Variants in METTL14 observed in about 807,000 individuals in gnomAD.
The protein encoded by METTL14 is N(6)-adenosine-methyltransferase non-catalytic subunit METTL14.
A neutral mutation model predicts 62.4 loss-of-function variants in METTL14; 32 were observed. The ratio of observed to expected loss-of-function variants is 0.51; its 90% CI spans 0.39 to 0.69. The LOEUF is 0.69. METTL14 is among the 30% of genes least tolerant of loss of function. METTL14 has a pLI of 0.00. For synonymous variants in METTL14, 150 were observed against 180.0 expected (o/e 0.83, Z 1.34); for missense variants, 340 against 551.9 (o/e 0.62, Z 3.85).
chr4:118,706,082 G>A (rs961572331), intron 10 of METTL14, among the ~76,000 whole-genome samples: 1 of 152,136 alleles, frequency 6.6e-6, no homozygotes, highest in African/African-American at 2.4e-5. Flanking sequence ...TACAAATGAT[G>A]AACCTACATT....
At chr4:118,706,896 T>C (rs1051310088) in intron 10 of METTL14, among the ~76,000 whole-genome samples, 1 of 152,248 alleles carries the variant, frequency 6.6e-6, no homozygotes. Context: ...AGATGTCTTT[T>C]AAGGTCTTTG....
intron 6 of METTL14, 112 bp downstream of exon 6, chr4:118,694,638 C>A: frequency 1.3e-6 from 1 of 751,044 alleles, no homozygotes; most frequent in Admixed American, 2.7e-5. Context: ...TGTTAACATG[C>A]TTTATTACTC....
rs1337315312 is a variant in METTL14 at position 118,697,209 on chromosome 4, T to A, written c.531T>A (p.Phe177Leu). 2 of 1,610,730 alleles carry A rather than the reference T, an allele frequency of 1.2e-6. No homozygotes were observed. Among genetic ancestry groups the A allele is most frequent in the Admixed American group, 1.7e-5 (1 of 59,398 alleles). Reference protein sequence around the residue: ...PMYLQADIEAFDIRELTPKFD... With the variant: ...PMYLQADIEALDIRELTPKFD... ...ACTTACAAGCCGATATAGAAGCCTT[T>A]GACATCAGAGAACTAACACCCAAAT... is the stretch of plus-strand genomic sequence containing the variant. Residue 177 changes from phenylalanine to leucine, a missense_variant, in exon 7 of 11, where the codon TTT (phenylalanine) becomes TTA (leucine). Around this residue, in one of 7 missense-constraint regions of METTL14, gnomAD observed 41 missense variants for 44.0 expected, o/e 0.93. Transcript: ENST00000388822.
At chr4:118,695,640 A>G (rs1724386057) in intron 6 of METTL14, among the ~76,000 whole-genome samples, 2 of 152,208 alleles carry the variant, frequency 1.3e-5, no homozygotes, top group South Asian at 4.1e-4. Context: ...TCAGGAAAGG[A>G]AGAAAACAAA....
At chr4:118,702,816 T>G (rs563908984) in intron 8 of METTL14, among the ~76,000 whole-genome samples, 57 of 150,950 alleles carry the variant, frequency 3.8e-4, no homozygotes, top group African/African-American at 1.2e-3. Flanking sequence ...AGGTGTTATC[T>G]TACATTACCC....
In METTL14 at chr4:118,691,510, ACTTAAT is replaced by A. The variant is rs759303953; in HGVS notation, c.244-17_244-12del. The A allele has an allele frequency of 3.6e-6, 5 of 1,385,498 alleles. No homozygotes were observed. Among genetic ancestry groups the A allele is most frequent in the Non-Finnish European group, 5.0e-6 (5 of 1,005,446 alleles). 85.8% of individuals were successfully genotyped at this position (1,385,498 alleles called of 1,614,324 possible). A position where few individuals can be genotyped will look rare whatever the true frequency, so the allele number is the denominator to read the frequency against. ...AATAACCCCTATTTGTAAAATATTT[ACTTAAT>A]CTTATGTTTTTCAAGGATGAACTAG... On this transcript the variant is annotated splice_polypyrimidine_tract_variant and intron_variant, in intron 3 of 10. Coordinates refer to ENST00000388822, the MANE Select transcript of METTL14 (RefSeq NM_020961.4).
chr4:118,688,132 T>C lies in METTL14; in HGVS notation c.155+121T>C, dbSNP rs1480863853. The C allele has an allele frequency of 5.2e-6, 4 of 765,150 alleles. No individual in the cohort carries two copies. In the Admixed American group the frequency reaches 8.1e-5, roughly 16 times the overall value. 47.4% of individuals were successfully genotyped at this position (765,150 alleles called of 1,614,324 possible). A position where few individuals can be genotyped will look rare whatever the true frequency, so the allele number is the denominator to read the frequency against. ...CTCACTGCAGCCTTGACTCCTGGGC[T>C]CAAGTGGTACACCTGCCTTGGCCTC... On this transcript the variant is annotated intron_variant, in intron 2 of 10. Transcript: ENST00000388822.
rs1359805947 is a variant in METTL14 at position 118,711,814 on chromosome 4, C to T, written c.*1512C>T. ...GTCAGCATTGACCTGGGAATGAAGT[C>T]AGGATAGAGAAATTCCACTTGCCTG... On this transcript the variant is annotated 3_prime_UTR_variant, in exon 11 of 11. Coordinates refer to ENST00000388822, the MANE Select transcript of METTL14 (RefSeq NM_020961.4). 1 of 152,046 alleles carries T rather than the reference C, an allele frequency of 6.6e-6. No individual in the cohort carries two copies. The allele number at this position is 152,046 out of a possible 1,614,324, so 9.4% of individuals were successfully genotyped here. A position where few individuals can be genotyped will look rare whatever the true frequency, so the allele number is the denominator to read the frequency against.
chr4:118,696,454 C>T (rs1445769326), intron 6 of METTL14, among the ~76,000 whole-genome samples: 2 of 151,862 alleles, frequency 1.3e-5, no homozygotes, highest in Non-Finnish European at 2.9e-5. Context: ...ATCACTTGAG[C>T]CCAGGAGTTT....
At chr4:118,702,322 T>C (rs1724619645) in intron 8 of METTL14, among the ~76,000 whole-genome samples, 1 of 152,008 alleles carries the variant, frequency 6.6e-6, no homozygotes, top group South Asian at 2.1e-4. Context: ...CGGCGAAAAA[T>C]GATTTAAAAA....
rs191836369 is a variant in METTL14, at chr4:118,699,999, C to G, written c.646-551C>G. Among the ~76,000 whole-genome samples, 363 of 151,428 alleles carry G rather than the reference C, an allele frequency of 2.4e-3. 2 individuals are homozygous for G. Among genetic ancestry groups the G allele is most frequent in the African/African-American group, 8.2e-3 (340 of 41,348 alleles). The stretch of plus-strand genomic sequence containing the variant: ...GAACACAAGCATTAAAGTACCAACA[C>G]TTAACTTTTAGAATTAGTGTCAAAA... On this transcript the variant is annotated intron_variant, in intron 7 of 10. Coordinates refer to ENST00000388822, the MANE Select transcript of METTL14 (RefSeq NM_020961.4).
At chr4:118,705,278 C>G (rs1245226956) in intron 9 of METTL14, among the ~76,000 whole-genome samples, 1 of 151,976 alleles carries the variant, frequency 6.6e-6, no homozygotes, top group African/African-American at 2.4e-5. Context: ...AATTTGAGAC[C>G]AGCCTGAGCA....
Position 118,709,122 on chromosome 4 carries a change from T to C in METTL14, c.1067-876T>C, listed in dbSNP as rs561463257. ...TTGAATTGGATGTTGAAGGGTGGGA[T>C]TTTTAACAGGTTGACAGGATAGAAA... On this transcript the variant is annotated intron_variant, in intron 10 of 10. Coordinates refer to ENST00000388822, the MANE Select transcript of METTL14 (RefSeq NM_020961.4). Among the ~76,000 whole-genome samples, 3 of 152,326 alleles carry C rather than the reference T, an allele frequency of 2.0e-5. No homozygotes were observed. The South Asian group carries it at 6.2e-4, about 32-fold the overall frequency.
At chr4:118,709,881 A>G (rs1171314634) in intron 10 of METTL14, 117 bp from the exon 11 acceptor site, 1 of 963,892 alleles carries the variant, frequency 1.0e-6, no homozygotes, top group Non-Finnish European at 1.5e-6. Flanking sequence ...AGAGATCAGT[A>G]TTGGATGAAT....
chr4:118,699,091 C>G (rs1347734153), intron 7 of METTL14, among the ~76,000 whole-genome samples: 3 of 152,160 alleles, frequency 2.0e-5, no homozygotes, highest in African/African-American at 7.2e-5. Context: ...CAGGACCGTT[C>G]TGCATTTCTA....
chr4:118,692,056 A>G lies in METTL14; in HGVS notation c.400A>G (p.Ile134Val). ...CACTGGACATAGACCTCAGAATTTC[A>G]TCAGGGATGTAGGTATGTCAGGTTT... is the stretch of plus-strand genomic sequence containing the variant. ...VDTGHRPQNF[I>V]RDVGLADRFE... The change falls in exon 5 of 11, where the codon ATC (isoleucine) becomes GTC (valine). Residue 134 changes from isoleucine (I) to valine (V), a missense_variant. Coordinates refer to ENST00000388822, the MANE Select transcript of METTL14 (RefSeq NM_020961.4). 2 of 1,606,728 alleles carry G rather than the reference A, an allele frequency of 1.2e-6. No homozygotes were observed. The highest frequency in any genetic ancestry group is 1.7e-6 in the Non-Finnish European group (2 of 1,174,934).
intron 2 of METTL14, 99 bp from the exon 3 acceptor site, chr4:118,689,270 AT>A (rs1724169493): frequency 1.7e-6 from 1 of 574,746 alleles, no homozygotes; most frequent in Non-Finnish European, 2.9e-6. Flanking sequence ...ATCAGGAAAA[AT>A]TTGTCTTGTT....
Position 118,709,056 on chromosome 4 carries a change from GAGAA to G in METTL14, c.1067-937_1067-934del, listed in dbSNP as rs138231495. Among the ~76,000 whole-genome samples, 1,371 of 152,310 alleles carry G rather than the reference GAGAA, an allele frequency of 9.0e-3. 14 individuals are homozygous for G. Among genetic ancestry groups the G allele is most frequent in the Middle Eastern group, 0.031 (9 of 294 alleles). On this transcript the variant is annotated intron_variant, in intron 10 of 10. Coordinates refer to ENST00000388822, the MANE Select transcript of METTL14 (RefSeq NM_020961.4). ...AAGTATAATGTGCAGTGGAAATTCT[GAGAA>G]AGAAGAAATAATTTTCATTTCATGT...
intron 3 of METTL14, 117 bp from the exon 4 acceptor site, chr4:118,691,415 C>A: frequency 1.7e-6 from 1 of 577,176 alleles, no homozygotes; most frequent in Non-Finnish European, 2.9e-6. Flanking sequence ...GATTTTAATG[C>A]TAATTTAAAA....
Sources: gnomAD v4.1 joint callset for allele counts (sites outside exome capture counted in the v4.1 genomes callset) on GRCh38, gnomAD v4.1.1 for gene constraint, gnomAD v4.1.1 regional missense constraint, MANE v1.5 for transcripts, NCBI Gene and HGNC (gene_info 2026-07-23, HGNC 2026-07-21) for gene names.